The following COL9A3 variants were observed in gnomAD, a reference collection of about 807,000 sequenced individuals.
COL9A3 encodes collagen alpha-3(IX) chain.
In COL9A3, 82 loss-of-function variants were observed where a neutral mutation model predicts 110.2. The observed-to-expected ratio is 0.74, with a 90% confidence interval of 0.62 to 0.89. The LOEUF is 0.89. Ranked by LOEUF, COL9A3 falls within the 40% of genes least tolerant of loss-of-function variation. COL9A3 has a pLI of 0.00. For synonymous variants in COL9A3, 494 were observed against 403.8 expected, an observed-to-expected ratio of 1.22 and a Z score of -2.68; for missense variants, 1,066 against 981.3, an observed-to-expected ratio of 1.09 and a Z score of -1.15.
intron 16 of COL9A3, among the ~76,000 whole-genome samples, chr20:62,827,632 A>G (rs760059148): frequency 2.6e-5 from 4 of 152,226 alleles, no homozygotes; most frequent in African/African-American, 7.2e-5. Context: ...GAGGCAGCCA[A>G]GCGTTCCAGG....
Position 62,819,302 on chromosome 20 carries a change from G to T in COL9A3, c.255+9G>T. On this transcript the variant is annotated intron_variant, in intron 4 of 31. Coordinates refer to ENST00000649368, the MANE Select transcript of COL9A3 (RefSeq NM_001853.4). ...GACTGCCGGGTGTGGATGTGAGTGC[G>T]CCTGCCCCTCCCCGCCATGCCCCAC... 6.3e-7 allele frequency: 1 copy of T among 1,596,958 alleles called. No homozygotes were observed. Among genetic ancestry groups the T allele is most frequent in the Non-Finnish European group, 8.5e-7 (1 of 1,173,248 alleles).
At chr20:62,839,842 G>A (rs1014280774) in intron 31 of COL9A3, among the ~76,000 whole-genome samples, 30 of 151,832 alleles carry the variant, frequency 2.0e-4, no homozygotes, top group African/African-American at 7.3e-4. Flanking sequence ...GGGTGCCCTG[G>A]AGCCCTCTCC....
intron 13 of COL9A3, 48 bp from the exon 14 acceptor site, chr20:62,826,156 G>T (rs745685678): frequency 1.3e-6 from 2 of 1,540,222 alleles, no homozygotes; most frequent in Non-Finnish European, 8.8e-7. Context: ...GTGCTCCCCG[G>T]GGTGGAGGTG....
intron 11 of COL9A3, 107 bp downstream of exon 11, chr20:62,824,608 T>C (rs1308395552): frequency 8.3e-7 from 1 of 1,201,470 alleles, no homozygotes; most frequent in Non-Finnish European, 1.2e-6. Context: ...TGGACCCTGG[T>C]TCCAGGGTTG....
intron 26 of COL9A3, among the ~76,000 whole-genome samples, chr20:62,833,707 G>T (rs1488877980): frequency 7.0e-6 from 1 of 143,158 alleles, no homozygotes. Context: ...CCGGCCGGGG[G>T]TTTTTTTTGA....
intron 2 of COL9A3, among the ~76,000 whole-genome samples, chr20:62,818,150 A>C (rs2147194901): frequency 6.6e-6 from 1 of 151,142 alleles, no homozygotes; most frequent in East Asian, 2.0e-4. Flanking sequence ...TCTGGGGTGA[A>C]CCTCCCCATG....
In COL9A3 at chr20:62,820,348, G is replaced by C. The variant is rs145528561; in HGVS notation, c.309+366G>C. Among the ~76,000 whole-genome samples, 1,131 of 152,212 alleles carry C rather than the reference G, an allele frequency of 7.4e-3. 17 individuals carry two copies. Among genetic ancestry groups the C allele is most frequent in the African/African-American group, 0.026 (1,088 of 41,546 alleles). ...GCAGCCTGCAGAGTCCCCTGTGCCT[G>C]CCTGTTGGACACTGAATCCTTTACC... On this transcript the variant is annotated intron_variant, in intron 5 of 31. Coordinates refer to ENST00000649368, the MANE Select transcript of COL9A3 (RefSeq NM_001853.4).
chr20:62,816,766 A>G (rs1166965770), upstream of COL9A3, among the ~76,000 whole-genome samples: 1 of 152,100 alleles, frequency 6.6e-6, no homozygotes, highest in East Asian at 1.9e-4. Flanking sequence ...GCAAGGAGAG[A>G]AAAGAGCGTC....
rs138208105 is a variant in COL9A3, at chr20:62,829,792, C to T, written c.1134C>T (p.Arg378=). Residue 378 remains arginine (R), a synonymous_variant, in exon 22 of 32, where the codon CGC becomes CGT. Transcript: ENST00000649368. ...GAGATGCTGGCATGCCTGGGGAGCG[C>T]GGTGAGGCTGGCCACCGGGGCTCAG... ...VPGDAGMPGE[R]GEAGHRGSAG... 3.0e-5 allele frequency: 48 copies of T among 1,584,836 alleles called. No homozygotes were observed. Among genetic ancestry groups the T allele is most frequent in the African/African-American group, 1.1e-4 (8 of 74,614 alleles).
rs139088959 is a variant in COL9A3, at chr20:62,826,737, A to G, written c.739-30A>G. On this transcript the variant is annotated intron_variant, in intron 14 of 31. Transcript: ENST00000649368. ...GGATGCCAGCCAGGCCTCAGACAAG[A>G]GGACCCCGGATCCCCTCTCTCCTCT... The G allele has an allele frequency of 7.5e-4, 1,209 of 1,611,566 alleles. 5 individuals are homozygous for G. The African/African-American group carries it at 0.015, about 19-fold the overall frequency.
rs372866455 is a variant in COL9A3, at chr20:62,828,210, A to T, written c.900+234A>T. ...GTTTACCTGCACAGAGGACACGGGA[A>T]GTAAGGGTGGGTGGGTAGCACCACT... On this transcript the variant is annotated intron_variant, in intron 17 of 31. Transcript: ENST00000649368. 2.0e-4 allele frequency among the ~76,000 whole-genome samples: 31 copies of T among 152,046 alleles called. No individual in the cohort carries two copies. In the South Asian group the frequency reaches 6.2e-3, roughly 31 times the overall value.
At chr20:62,816,813 C>T (rs988871887), upstream of COL9A3, among the ~76,000 whole-genome samples, 1 of 152,170 alleles carries the variant, frequency 6.6e-6, no homozygotes, top group African/African-American at 2.4e-5. Flanking sequence ...GTGCAACGCG[C>T]CAGTCCCAGG....
rs377366714 is a variant in COL9A3 at position 62,836,337 on chromosome 20, C to T, written c.1548+4C>T. On this transcript the variant is annotated splice_donor_region_variant and intron_variant, in intron 28 of 31. Transcript: ENST00000649368. ...CACGGGGAAGCCGGGAGTTCCGGTA[C>T]GTCGCTTTTCCGGCTTTTCCAGCTT... The T allele has an allele frequency of 7.0e-4, 1,128 of 1,613,762 alleles. 4 individuals are homozygous for T. The highest frequency in any genetic ancestry group is 9.4e-4 in the South Asian group (86 of 91,086).
At chr20:62,825,641 C>G in intron 12 of COL9A3, 176 bp from the exon 13 acceptor site, 2 of 687,950 alleles carry the variant, frequency 2.9e-6, no homozygotes, top group Non-Finnish European at 5.2e-6. Flanking sequence ...GCCACCGAGA[C>G]TCGCGGGACT....
At position 62,835,954 on chromosome 20, in the gene COL9A3, G is replaced by T. The variant is rs1361088143; in HGVS notation, c.1401+1G>T. On this transcript the variant is annotated splice_donor_variant, in intron 27 of 31. Coordinates refer to ENST00000649368, the MANE Select transcript of COL9A3 (RefSeq NM_001853.4). LOFTEE classifies it high-confidence loss of function. ...CGGCCTGGTCGGACCCAAAGGAGAGGTGAGTGCCCGGCGACTGTTCCGATG... is the reference window on the plus strand; with the variant it reads ...CGGCCTGGTCGGACCCAAAGGAGAGTTGAGTGCCCGGCGACTGTTCCGATG... 10 of 1,614,090 alleles carry T rather than the reference G, an allele frequency of 6.2e-6. No individual in the cohort carries two copies. The highest frequency in any genetic ancestry group is 8.5e-6 in the Non-Finnish European group (10 of 1,180,054).
At chr20:62,840,460 G>C (rs530778338) in intron 31 of COL9A3, 82 bp from the exon 32 acceptor site, 1 of 1,301,888 alleles carries the variant, frequency 7.7e-7, no homozygotes, top group Non-Finnish European at 1.1e-6. Context: ...TGGAAGAGCA[G>C]GGCTTGCCCA....
Position 62,817,056 on chromosome 20 carries a change from C to G in COL9A3, c.-9C>G, listed in dbSNP as rs1441787996. On this transcript the variant is annotated 5_prime_UTR_variant, in exon 1 of 32. Transcript: ENST00000649368. ...CGCCCCGACGCCGCAGCTCAGACTC[C>G]GCTCAGCCATGGCCGGGCCGCGCGC... 9 of 1,345,460 alleles carry G rather than the reference C, an allele frequency of 6.7e-6. No homozygotes were observed. Among genetic ancestry groups the G allele is most frequent in the South Asian group, 1.6e-5 (1 of 61,930 alleles). The allele number at this position is 1,345,460 out of a possible 1,614,324, so 83.3% of individuals were successfully genotyped here.
chr20:62,833,436 CT>C (rs1290861264), intron 26 of COL9A3, among the ~76,000 whole-genome samples: 1 of 152,214 alleles, frequency 6.6e-6, no homozygotes, highest in East Asian at 1.9e-4. Context: ...ACGAGTCTCA[CT>C]CTGTCACCCA....
At chr20:62,825,439 G>A (rs1459912804) in intron 12 of COL9A3, 3 of 375,032 alleles carry the variant, frequency 8.0e-6, no homozygotes, top group East Asian at 1.2e-4. Context: ...GTCCGTGGAG[G>A]GTGTCTGTCC....
Sources: allele counts gnomAD v4.1 joint callset (sites outside exome capture counted in the v4.1 genomes callset), GRCh38; gene constraint gnomAD v4.1.1; transcripts MANE v1.5; gene names NCBI Gene and HGNC (gene_info 2026-07-23, HGNC 2026-07-21).